Variants in ZSCAN5A observed in about 807,000 individuals in gnomAD.
ZSCAN5A encodes the protein zinc finger and SCAN domain-containing protein 5A.
Under a neutral mutation model 23.7 loss-of-function variants are expected in ZSCAN5A, and 12 were observed. That is an observed-to-expected ratio of 0.51 (90% CI 0.32 to 0.82). The LOEUF is 0.82. ZSCAN5A is among the 40% of genes least tolerant of loss of function. The pLI is 0.03. For synonymous variants in ZSCAN5A, 257 were observed against 239.9 expected (o/e 1.07, Z -0.66); for missense variants, 597 against 617.9 (o/e 0.97, Z 0.36).
At chr19:56,264,577 T>C (rs763637615) in intron 2 of ZSCAN5A, among the ~76,000 whole-genome samples, 5 of 152,320 alleles carry the variant, frequency 3.3e-5, no homozygotes, top group African/African-American at 4.8e-5. Context: ...CTATGAAGTA[T>C]GAAGAGTCTG....
intron 2 of ZSCAN5A, among the ~76,000 whole-genome samples, chr19:56,285,312 T>A (rs1033165372): frequency 1.3e-5 from 2 of 152,220 alleles, no homozygotes; most frequent in African/African-American, 4.8e-5. Context: ...GTCAAAATCA[T>A]TCTCTTCACC....
intron 2 of ZSCAN5A, chr19:56,280,771 C>G (rs2038632781): frequency 6.6e-6 from 1 of 152,130 alleles, no homozygotes; most frequent in Admixed American, 6.5e-5. Context: ...CCTTTTATAA[C>G]CAGCATTTAT....
At chr19:56,297,458 C>T (rs937439245) in intron 2 of ZSCAN5A, 44 of 885,822 alleles carry the variant, frequency 5.0e-5, no homozygotes, top group Admixed American at 6.3e-5. Flanking sequence ...TTTCCTCTTC[C>T]TCCTTCTCTT....
intron 2 of ZSCAN5A, among the ~76,000 whole-genome samples, chr19:56,287,512 A>G (rs1391308342): frequency 6.6e-6 from 1 of 151,954 alleles, no homozygotes; most frequent in Non-Finnish European, 1.5e-5. Flanking sequence ...CACCTAACCC[A>G]TAAATATCAG....
intron 2 of ZSCAN5A, among the ~76,000 whole-genome samples, chr19:56,280,985 T>C (rs773180358): frequency 6.6e-6 from 1 of 152,150 alleles, no homozygotes; most frequent in Non-Finnish European, 1.5e-5. Context: ...CATATAACTT[T>C]TGACTTCCCC....
At chr19:56,322,196 T>G in intron 2 of ZSCAN5A, 1 of 836,042 alleles carries the variant, frequency 1.2e-6, no homozygotes, top group South Asian at 1.3e-5. Flanking sequence ...TGCTTCAACA[T>G]AGACCAGGCT....
chr19:56,328,911 C>G lies in ZSCAN5A; in HGVS notation c.-357-12643G>C. ...TGGGGAGGCTGAGGCAGGAGAATGG[C>G]GTGAACCCAGGAGGCGGAGCTTGCA... On this transcript the variant is annotated intron_variant, in intron 2 of 6. Transcript: ENST00000587340. Among the ~76,000 whole-genome samples the G allele has an allele frequency of 4.1e-5, 6 of 147,596 alleles. No homozygotes were observed. The Middle Eastern group carries it at 0.014, about 357-fold the overall frequency.
chr19:56,331,870 G>A (rs781665552), intron 2 of ZSCAN5A, among the ~76,000 whole-genome samples: 2 of 151,994 alleles, frequency 1.3e-5, no homozygotes, highest in Non-Finnish European at 1.5e-5. Flanking sequence ...ACAGGTGTGA[G>A]CCACTGCGCC....
At chr19:56,361,467 A>G (rs2041732984) in intron 2 of ZSCAN5A, among the ~76,000 whole-genome samples, 1 of 152,230 alleles carries the variant, frequency 6.6e-6, no homozygotes, top group South Asian at 2.1e-4. Flanking sequence ...AATGCCCATC[A>G]GTGATAGACT....
intron 2 of ZSCAN5A, among the ~76,000 whole-genome samples, chr19:56,254,920 A>G (rs752999152): frequency 2.6e-5 from 4 of 152,090 alleles, no homozygotes; most frequent in Non-Finnish European, 5.9e-5. Flanking sequence ...CGTTCTTTAT[A>G]TACTCTGGAG....
At chr19:56,275,946 G>T (rs2038216229) in intron 2 of ZSCAN5A, among the ~76,000 whole-genome samples, 1 of 152,154 alleles carries the variant, frequency 6.6e-6, no homozygotes, top group Non-Finnish European at 1.5e-5. Flanking sequence ...TAGCTTTATT[G>T]ATAGCAGTGA....
intron 2 of ZSCAN5A, among the ~76,000 whole-genome samples, chr19:56,334,126 T>C (rs113779068): frequency 1.2e-4 from 19 of 152,328 alleles, no homozygotes; most frequent in African/African-American, 4.6e-4. Context: ...GGCTTCCTGA[T>C]AGCAGACACA....
At chr19:56,311,096 C>T (rs369268178) in intron 2 of ZSCAN5A, among the ~76,000 whole-genome samples, 10 of 151,990 alleles carry the variant, frequency 6.6e-5, no homozygotes, top group Admixed American at 6.6e-4. Flanking sequence ...CAGGGGGTTT[C>T]GTTGTTGTTG....
At position 56,352,124 on chromosome 19, in the gene ZSCAN5A, C is replaced by T. The variant is rs747615061; in HGVS notation, c.-358+11111G>A. Among the ~76,000 whole-genome samples, 2 of 151,942 alleles carry T rather than the reference C, an allele frequency of 1.3e-5. No homozygotes were observed. The highest frequency in any genetic ancestry group is 2.4e-5 in the African/African-American group (1 of 41,346). ...TTTGTTTGTTTCTTTGTTTTTGAGA[C>T]GGAATCTCGCTCTGTCACCCAGGCT... is the stretch of plus-strand genomic sequence containing the variant. On this transcript the variant is annotated intron_variant, in intron 2 of 6. Coordinates refer to the ZSCAN5A transcript ENST00000587340. This position sits in a 1 kb window ranked among gnomAD's most constrained non-coding sequence, Gnocchi z 4.2.
intron 2 of ZSCAN5A, chr19:56,228,527 G>A: frequency 2.3e-6 from 2 of 862,888 alleles, no homozygotes; most frequent in Non-Finnish European, 2.8e-6. Flanking sequence ...TACTGCTGAA[G>A]TATTTGGTGG....
chr19:56,366,880 G>A (rs2041770684), intron 1 of ZSCAN5A, among the ~76,000 whole-genome samples: 1 of 152,140 alleles, frequency 6.6e-6, no homozygotes, highest in South Asian at 2.1e-4. Context: ...GACCTATCAT[G>A]CGGCTCATTT....
At chr19:56,253,234 C>T (rs538085456) in intron 2 of ZSCAN5A, among the ~76,000 whole-genome samples, 3 of 147,552 alleles carry the variant, frequency 2.0e-5, no homozygotes, top group South Asian at 2.1e-4. Context: ...TGCCACTGCA[C>T]TCCAGCTTGG....
intron 2 of ZSCAN5A, among the ~76,000 whole-genome samples, chr19:56,345,432 A>G (rs1258873121): frequency 6.6e-6 from 1 of 152,220 alleles, no homozygotes; most frequent in African/African-American, 2.4e-5. Flanking sequence ...GGATTTTCAG[A>G]TTCTTGGTAA....
In ZSCAN5A at chr19:56,351,591, T is replaced by C. The variant is rs2041667734; in HGVS notation, c.-358+11644A>G. On this transcript the variant is annotated intron_variant, in intron 2 of 6. Coordinates refer to the ZSCAN5A transcript ENST00000587340. The surrounding 1 kb of genome is among the most constrained non-coding windows in gnomAD (Gnocchi z 4.8). Reference sequence around the variant, plus strand: ...TCTCAGTACGGGGGAGCTGTTCTCTTCTTTCTTCCTTCTTACTTGCTATTA... The same window carrying C: ...TCTCAGTACGGGGGAGCTGTTCTCTCCTTTCTTCCTTCTTACTTGCTATTA... 6.6e-6 allele frequency among the ~76,000 whole-genome samples: 1 copy of C among 152,156 alleles called. No individual in the cohort carries two copies. Among genetic ancestry groups the C allele is most frequent in the African/African-American group, 2.4e-5 (1 of 41,440 alleles).
Sources: allele counts gnomAD v4.1 joint callset (sites outside exome capture counted in the v4.1 genomes callset), GRCh38; gene constraint gnomAD v4.1.1; non-coding constraint Gnocchi (gnomAD v3.1); transcripts MANE v1.5; gene names NCBI Gene and HGNC (gene_info 2026-07-23, HGNC 2026-07-21).